The following COL23A1 variants were observed in gnomAD, a reference collection of about 807,000 sequenced individuals.
The protein encoded by COL23A1 is collagen alpha-1(XXIII) chain.
A neutral mutation model predicts 99.3 loss-of-function variants in COL23A1; 97 were observed. That is an observed-to-expected ratio of 0.98 (90% CI 0.83 to 1.16). The LOEUF (loss-of-function observed/expected upper bound fraction) is 1.16. Ranked by LOEUF, COL23A1 falls within the 50% of genes most tolerant of loss-of-function variation. The probability of loss-of-function intolerance (pLI) is 0.00; values close to 1 mark genes in which losing one functional copy is unlikely to be tolerated. For synonymous variants in COL23A1, 320 were observed against 308.2 expected, an observed-to-expected ratio of 1.04 and a Z score of -0.40; for missense variants, 762 against 757.4, an observed-to-expected ratio of 1.01 and a Z score of -0.07.
intron 2 of COL23A1, among the ~76,000 whole-genome samples, chr5:178,358,415 GTATGTGTGTGTATGTGTA>G (rs1761934842): frequency 8.2e-6 from 1 of 122,242 alleles, no homozygotes. Flanking sequence ...GTGTGTATGT[GTATGTGTGTGTATGTGTA>G]TGTGTGTATG....
chr5:178,553,292 G>A (rs1000624153), intron 2 of COL23A1, among the ~76,000 whole-genome samples: 28 of 151,904 alleles, frequency 1.8e-4, no homozygotes, highest in Admixed American at 3.9e-4. Flanking sequence ...CTTCTGTTCC[G>A]CTCTGTGACA....
At chr5:178,367,483 T>G (rs566237390) in intron 2 of COL23A1, among the ~76,000 whole-genome samples, 2 of 152,310 alleles carry the variant, frequency 1.3e-5, no homozygotes, top group Admixed American at 1.3e-4. Flanking sequence ...AAGCCCACTG[T>G]GGTAGACTGG....
At chr5:178,252,903 C>T (rs1561792154) in intron 16 of COL23A1, among the ~76,000 whole-genome samples, 1 of 152,192 alleles carries the variant, frequency 6.6e-6, no homozygotes, top group Non-Finnish European at 1.5e-5. Context: ...CAAGATCTTG[C>T]TTTGGCTCCC....
chr5:178,246,435 C>A lies in COL23A1; in HGVS notation c.1315G>T (p.Gly439Ter). The change falls in exon 23 of 29, where the codon GGA becomes TGA. Residue 439 changes from glycine (G) to a stop codon, truncating the protein, a stop_gained. Coordinates refer to ENST00000390654, the MANE Select transcript of COL23A1 (RefSeq NM_173465.4). LOFTEE classifies it high-confidence loss of function. The stretch of plus-strand genomic sequence containing the variant: ...CTCTCACCCGACGCACCCTTCTCTC[C>A]CTTTGCTCCATCCAAGCCCTGGAGG... ...QGPKGLDGAK[G>*]EKGASGERGP... is the part of the protein sequence containing the mutation. 6.4e-7 allele frequency: 1 copy of A among 1,574,502 alleles called. No individual in the cohort carries two copies. Among genetic ancestry groups the A allele is most frequent in the East Asian group, 2.3e-5 (1 of 43,184 alleles).
At chr5:178,413,865 T>C (rs1581341134) in intron 2 of COL23A1, among the ~76,000 whole-genome samples, 2 of 151,928 alleles carry the variant, frequency 1.3e-5, no homozygotes, top group East Asian at 3.9e-4. Context: ...TTTGGGGAGG[T>C]GGGTGGGTGT....
chr5:178,506,370 G>T (rs1758872548), intron 2 of COL23A1, among the ~76,000 whole-genome samples: 1 of 152,212 alleles, frequency 6.6e-6, no homozygotes, highest in African/African-American at 2.4e-5. Flanking sequence ...GCACTCCAGG[G>T]ACTTGATCAG....
chr5:178,497,648 A>T (rs1474987012), intron 2 of COL23A1, among the ~76,000 whole-genome samples: 3 of 152,214 alleles, frequency 2.0e-5, no homozygotes, highest in African/African-American at 7.2e-5. Flanking sequence ...AGGAAACAAG[A>T]AGAGACTACG....
intron 2 of COL23A1, among the ~76,000 whole-genome samples, chr5:178,550,757 T>C (rs1237007456): frequency 2.0e-5 from 3 of 152,084 alleles, no homozygotes; most frequent in South Asian, 2.1e-4. Flanking sequence ...GGGCGTGTGA[T>C]AATGACACCC....
chr5:178,533,978 A>AAC (rs1238743005), intron 2 of COL23A1, among the ~76,000 whole-genome samples: 1 of 152,070 alleles, frequency 6.6e-6, no homozygotes, highest in African/African-American at 2.4e-5. Context: ...AGTATCAGCA[A>AAC]ACTCTCTCTC....
chr5:178,316,926 G>C (rs1260520164), intron 2 of COL23A1, among the ~76,000 whole-genome samples: 1 of 151,966 alleles, frequency 6.6e-6, no homozygotes, highest in East Asian at 1.9e-4. Flanking sequence ...CATCACTAGA[G>C]AGTATACGAG....
intron 2 of COL23A1, among the ~76,000 whole-genome samples, chr5:178,424,199 A>G (rs1049600278): frequency 2.6e-5 from 4 of 152,226 alleles, no homozygotes; most frequent in Admixed American, 2.6e-4. Context: ...TGCATCCTGC[A>G]TTCATTCATT....
rs561223585 is a variant in COL23A1, at chr5:178,558,800, T to C, written c.361+1882A>G. Among the ~76,000 whole-genome samples the C allele has an allele frequency of 3.9e-4, 60 of 152,214 alleles. 1 individual carries two copies. Among genetic ancestry groups the C allele is most frequent in the African/African-American group, 1.4e-3 (57 of 41,540 alleles). On this transcript the variant is annotated intron_variant, in intron 2 of 28. Coordinates refer to ENST00000390654, the MANE Select transcript of COL23A1 (RefSeq NM_173465.4). Reference sequence around the variant, plus strand: ...ATGTAATTGCAATTTCTGACTTTTTTTTTTTTTTGATGGAGTCTCGCTCTG... The same window carrying C: ...ATGTAATTGCAATTTCTGACTTTTTCTTTTTTTTGATGGAGTCTCGCTCTG...
chr5:178,324,389 G>T (rs976612812), intron 2 of COL23A1, among the ~76,000 whole-genome samples: 1 of 152,050 alleles, frequency 6.6e-6, no homozygotes, highest in Admixed American at 6.5e-5. Flanking sequence ...TCTTTTATGC[G>T]CTCAGGATGG....
At chr5:178,238,946 AG>A (rs1232006658) in intron 28 of COL23A1, among the ~76,000 whole-genome samples, 194 bp downstream of exon 28, 1 of 152,184 alleles carries the variant, frequency 6.6e-6, no homozygotes, top group African/African-American at 2.4e-5. Flanking sequence ...CCAGGACCAC[AG>A]CCCCACGCCT....
intron 2 of COL23A1, among the ~76,000 whole-genome samples, chr5:178,367,188 T>G (rs1233851562): frequency 6.6e-6 from 1 of 152,160 alleles, no homozygotes; most frequent in Non-Finnish European, 1.5e-5. Flanking sequence ...CTTGATCTGC[T>G]TGGAAACCAC....
chr5:178,418,987 T>C (rs896985316), intron 2 of COL23A1, among the ~76,000 whole-genome samples: 9 of 152,214 alleles, frequency 5.9e-5, no homozygotes, highest in African/African-American at 2.2e-4. Flanking sequence ...ATCCACTTCA[T>C]AGTGCTTGGA....
chr5:178,500,432 A>C (rs1384588185), intron 2 of COL23A1, among the ~76,000 whole-genome samples: 1 of 150,294 alleles, frequency 6.7e-6, no homozygotes, highest in African/African-American at 2.4e-5. Flanking sequence ...TACAAAAAAA[A>C]AAAAAAAAAA....
At chr5:178,560,589 C>G in intron 2 of COL23A1, 93 bp downstream of exon 2, 1 of 1,145,960 alleles carries the variant, frequency 8.7e-7, no homozygotes, top group Admixed American at 2.4e-5. Context: ...AGCCTGACAC[C>G]CCAGTCCACC....
chr5:178,267,292 A>G lies in COL23A1; in HGVS notation c.522+15T>C. The G allele has an allele frequency of 6.2e-7, 1 of 1,614,054 alleles. No homozygotes were observed. Among genetic ancestry groups the G allele is most frequent in the Non-Finnish European group, 8.5e-7 (1 of 1,179,926 alleles). ...AACCATGTGGGCAGTGAGGGAGGTC[A>G]TGCCTGGTTCTTACCCGGGGGCCAA... On this transcript the variant is annotated intron_variant, in intron 8 of 28. Transcript: ENST00000390654.
Sources: allele counts gnomAD v4.1 joint callset (sites outside exome capture counted in the v4.1 genomes callset), GRCh38; gene constraint gnomAD v4.1.1; transcripts MANE v1.5; gene names NCBI Gene and HGNC (gene_info 2026-07-23, HGNC 2026-07-21).